The following SDK1 variants were observed in gnomAD, a reference collection of about 807,000 sequenced individuals.
The protein encoded by SDK1 is sidekick cell adhesion molecule 1.
Under a neutral mutation model 245.5 loss-of-function variants are expected in SDK1, and 157 were observed. The observed-to-expected ratio is 0.64, with a 90% CI of 0.56 to 0.73. The LOEUF (loss-of-function observed/expected upper bound fraction) is 0.73. Among genes scored for constraint, SDK1 ranks in the 30% least tolerant of loss-of-function variants. SDK1 has a pLI of 0.00. For missense variants in SDK1, 3,583 were observed against 3,002.3 expected, an observed-to-expected ratio of 1.19 and a Z score of -4.52; for synonymous variants, 1,647 against 1,278.5, an observed-to-expected ratio of 1.29 and a Z score of -6.15.
chr7:4,183,971 G>C (rs1227162106), intron 35 of SDK1, among the ~76,000 whole-genome samples: 1 of 152,198 alleles, frequency 6.6e-6, no homozygotes, highest in Non-Finnish European at 1.5e-5. Flanking sequence ...CAGTTGTTTG[G>C]CCTCAGCACA....
intron 1 of SDK1, among the ~76,000 whole-genome samples, chr7:3,595,213 G>A (rs1417767493): frequency 1.4e-5 from 2 of 147,716 alleles, no homozygotes; most frequent in Non-Finnish European, 3.0e-5. Flanking sequence ...CCATATTGGT[G>A]ACTTTATGAT....
Position 3,967,336 on chromosome 7 carries a change from C to T in SDK1, c.1448C>T (p.Thr483Ile), listed in dbSNP as rs1193067428. ...LDVTNIAPVF[T>I]QRPVDTTVTD... ...TTCTCAGATATCGCTCCAGTGTTCACCCAGCGGCCAGTGGACACCACAGTT... is the reference window on the plus strand; with the variant it reads ...TTCTCAGATATCGCTCCAGTGTTCATCCAGCGGCCAGTGGACACCACAGTT... The change falls in exon 10 of 45, where the codon ACC becomes ATC. Residue 483 changes from threonine (T) to isoleucine (I), a missense_variant. Transcript: ENST00000404826. 15 of 1,613,952 alleles carry T rather than the reference C, an allele frequency of 9.3e-6. No individual in the cohort carries two copies. Among genetic ancestry groups the T allele is most frequent in the Non-Finnish European group, 1.3e-5 (15 of 1,179,798 alleles).
chr7:3,927,136 G>A (rs954172878), intron 5 of SDK1, among the ~76,000 whole-genome samples: 10 of 149,972 alleles, frequency 6.7e-5, no homozygotes, highest in East Asian at 2.0e-4. Flanking sequence ...GGATTTGGGC[G>A]GCCCAGAAAT....
chr7:3,628,361 G>A (rs1015261394), intron 2 of SDK1, among the ~76,000 whole-genome samples: 3 of 152,000 alleles, frequency 2.0e-5, no homozygotes, highest in Non-Finnish European at 2.9e-5. Flanking sequence ...ATATTTTGTA[G>A]AGATGGGATC....
chr7:4,117,471 A>G (rs1285779074), intron 25 of SDK1, among the ~76,000 whole-genome samples: 1 of 152,176 alleles, frequency 6.6e-6, no homozygotes, highest in African/African-American at 2.4e-5. Context: ...TTATGCCTCT[A>G]AAAAATAAGT....
intron 1 of SDK1, among the ~76,000 whole-genome samples, chr7:3,604,597 CT>C (rs1781359634): frequency 7.6e-6 from 1 of 131,210 alleles, no homozygotes; most frequent in South Asian, 2.8e-4. Context: ...TTTTTCTTTT[CT>C]TTTCTTTTTT....
intron 5 of SDK1, among the ~76,000 whole-genome samples, chr7:3,836,133 C>T (rs1307171630): frequency 1.3e-5 from 2 of 152,174 alleles, no homozygotes; most frequent in Admixed American, 6.5e-5. Flanking sequence ...GAGCAGGGCC[C>T]TTTGTGGGCA....
chr7:3,802,257 C>G (rs1368081940), intron 4 of SDK1, among the ~76,000 whole-genome samples: 4 of 152,142 alleles, frequency 2.6e-5, no homozygotes, highest in African/African-American at 4.8e-5. Context: ...CTGGGCTGGT[C>G]TCACGCCTGT....
chr7:3,328,093 T>C (rs1314034108), intron 1 of SDK1, among the ~76,000 whole-genome samples: 2 of 151,926 alleles, frequency 1.3e-5, no homozygotes, highest in South Asian at 2.1e-4. Context: ...GGTATTCTTA[T>C]TCTGTGTGTG....
chr7:4,117,089 A>G (rs1783762841), intron 25 of SDK1, among the ~76,000 whole-genome samples: 1 of 152,252 alleles, frequency 6.6e-6, no homozygotes, highest in Non-Finnish European at 1.5e-5. Flanking sequence ...ATCCAGTAAA[A>G]GGCAGGCCAA....
At chr7:3,492,408 G>C (rs1781890901) in intron 1 of SDK1, among the ~76,000 whole-genome samples, 1 of 152,186 alleles carries the variant, frequency 6.6e-6, no homozygotes, top group African/African-American at 2.4e-5. Flanking sequence ...GCAGGAGAAT[G>C]GCGTGAACCG....
At chr7:3,561,642 T>A (rs1779756098) in intron 1 of SDK1, among the ~76,000 whole-genome samples, 1 of 152,210 alleles carries the variant, frequency 6.6e-6, no homozygotes, top group African/African-American at 2.4e-5. Flanking sequence ...GTTCCCTCAA[T>A]TTTAATCTGA....
chr7:3,548,400 C>T (rs908776890), intron 1 of SDK1, among the ~76,000 whole-genome samples: 1 of 152,170 alleles, frequency 6.6e-6, no homozygotes, highest in Non-Finnish European at 1.5e-5. Flanking sequence ...GTCTGTCTTA[C>T]TCCAAAACTA....
intron 1 of SDK1, among the ~76,000 whole-genome samples, chr7:3,437,816 C>G (rs1217707779): frequency 6.6e-6 from 1 of 152,190 alleles, no homozygotes; most frequent in South Asian, 2.1e-4. Flanking sequence ...ATTCAGATAC[C>G]TTAGTGGAAG....
intron 4 of SDK1, among the ~76,000 whole-genome samples, chr7:3,759,830 T>C (rs1157068600): frequency 1.3e-5 from 2 of 152,082 alleles, no homozygotes; most frequent in Non-Finnish European, 2.9e-5. Context: ...TGACCTCAGG[T>C]GATCCACCCA....
In SDK1 at chr7:4,148,341, C is replaced by T. The variant is rs60637659; in HGVS notation, c.4424-921C>T. On this transcript the variant is annotated intron_variant, in intron 29 of 44. Coordinates refer to ENST00000404826, the MANE Select transcript of SDK1 (RefSeq NM_152744.4). ...TAAACAATTAAACAATTATTCCTTC[C>T]GCCGCGGAACTTCTCTGCTGAAATC... Among the ~76,000 whole-genome samples, 433 of 152,336 alleles carry T rather than the reference C, an allele frequency of 2.8e-3. 4 individuals carry two copies. The highest frequency in any genetic ancestry group is 9.9e-3 in the African/African-American group (413 of 41,584).
At chr7:3,688,122 C>G (rs1416770227) in intron 4 of SDK1, among the ~76,000 whole-genome samples, 1 of 152,232 alleles carries the variant, frequency 6.6e-6, no homozygotes, top group East Asian at 1.9e-4. Flanking sequence ...AGTAATGATA[C>G]AGCTACTTCC....
chr7:3,540,519 A>G (rs553540223), intron 1 of SDK1, among the ~76,000 whole-genome samples: 1 of 151,574 alleles, frequency 6.6e-6, no homozygotes, highest in East Asian at 1.9e-4. Flanking sequence ...AACCAGAGAG[A>G]GAAGTGACTC....
intron 5 of SDK1, among the ~76,000 whole-genome samples, chr7:3,833,593 A>G (rs1185517114): frequency 1.3e-5 from 2 of 152,208 alleles, no homozygotes. Context: ...AATAGAAACC[A>G]TATGCATAGG....
Sources: gnomAD v4.1 joint callset for allele counts (sites outside exome capture counted in the v4.1 genomes callset) on GRCh38, gnomAD v4.1.1 for gene constraint, MANE v1.5 for transcripts, NCBI Gene and HGNC (gene_info 2026-07-23, HGNC 2026-07-21) for gene names.